Variants in GALNT17 observed in about 807,000 individuals in gnomAD.
The protein encoded by GALNT17 is UDP-GalNAc:polypeptide N-acetylgalactosaminyltransferase-like 3.
In GALNT17, 29 loss-of-function variants were observed where a neutral mutation model predicts 63.7. That is an observed-to-expected ratio of 0.46 (90% CI 0.34 to 0.62). The LOEUF (loss-of-function observed/expected upper bound fraction) is 0.62, where lower values mean the gene tolerates loss of function less well. Among genes scored for constraint, GALNT17 ranks in the 20% least tolerant of loss-of-function variants. GALNT17 has a pLI of 0.01. For missense variants in GALNT17, 603 were observed against 799.6 expected, an observed-to-expected ratio of 0.75 and a Z score of 2.97; for synonymous variants, 305 against 318.3, an observed-to-expected ratio of 0.96 and a Z score of 0.45.
chr7:71,359,703 C>T (rs1275085613), intron 2 of GALNT17, among the ~76,000 whole-genome samples: 1 of 152,032 alleles, frequency 6.6e-6, no homozygotes, highest in Non-Finnish European at 1.5e-5. Context: ...TCTGCCTCAG[C>T]CTCTTAAGTT....
At chr7:71,613,384 C>G (rs1463772901) in intron 6 of GALNT17, among the ~76,000 whole-genome samples, 2 of 152,108 alleles carry the variant, frequency 1.3e-5, no homozygotes, top group Non-Finnish European at 2.9e-5. Flanking sequence ...AGGAATTGAC[C>G]GTTTGTCAGA....
intron 6 of GALNT17, among the ~76,000 whole-genome samples, chr7:71,651,266 C>A (rs1584113266): frequency 1.4e-5 from 2 of 138,688 alleles, no homozygotes; most frequent in Admixed American, 7.3e-5. Flanking sequence ...GAGAATAGGA[C>A]AAAGCCAATC....
At chr7:71,639,365 A>G (rs1228443012) in intron 6 of GALNT17, among the ~76,000 whole-genome samples, 1 of 152,200 alleles carries the variant, frequency 6.6e-6, no homozygotes, top group African/African-American at 2.4e-5. Flanking sequence ...CGGTGTTCAC[A>G]CTTAAGAGAA....
At chr7:71,357,240 TGGCAGGCAAGTGAGC>T (rs1222789977) in intron 2 of GALNT17, among the ~76,000 whole-genome samples, 1 of 152,104 alleles carries the variant, frequency 6.6e-6, no homozygotes, top group Non-Finnish European at 1.5e-5. Context: ...AGGAAGTGAG[TGGCAGGCAAGTGAGC>T]ATGACCGCCT....
chr7:71,176,325 CA>C (rs1405501143), intron 1 of GALNT17, among the ~76,000 whole-genome samples: 2 of 152,074 alleles, frequency 1.3e-5, no homozygotes, highest in Non-Finnish European at 2.9e-5. Flanking sequence ...CGGGGTGTGG[CA>C]AGATCTCAAA....
Position 71,168,199 on chromosome 7 carries a change from T to C in GALNT17, c.238+35159T>C, listed in dbSNP as rs979614941. 6.6e-5 allele frequency among the ~76,000 whole-genome samples: 10 copies of C among 152,352 alleles called. No individual in the cohort carries two copies. The East Asian group carries it at 9.7e-4, about 15-fold the overall frequency. ...TTGCTGTGTTTGTCTGTATTTGCAGTGATACCACACTGCCTTGATTAGTTT... is the reference window on the plus strand; with the variant it reads ...TTGCTGTGTTTGTCTGTATTTGCAGCGATACCACACTGCCTTGATTAGTTT... On this transcript the variant is annotated intron_variant, in intron 1 of 10. Coordinates refer to ENST00000333538, the MANE Select transcript of GALNT17 (RefSeq NM_022479.3).
chr7:71,397,435 T>TA (rs1793157834), intron 3 of GALNT17, among the ~76,000 whole-genome samples: 1 of 152,090 alleles, frequency 6.6e-6, no homozygotes, highest in Admixed American at 6.6e-5. Context: ...TCTTGAGAGA[T>TA]ACGAGATATG....
At chr7:71,567,876 G>C (rs1789375298) in intron 5 of GALNT17, among the ~76,000 whole-genome samples, 1 of 152,222 alleles carries the variant, frequency 6.6e-6, no homozygotes, top group Non-Finnish European at 1.5e-5. Flanking sequence ...ACCACTGAAG[G>C]TGAATGAAGA....
chr7:71,431,298 C>T (rs1234399407), intron 5 of GALNT17, among the ~76,000 whole-genome samples: 1 of 150,620 alleles, frequency 6.6e-6, no homozygotes, highest in East Asian at 2.0e-4. Context: ...GCAACCTCCA[C>T]CTCCCGGGTT....
At chr7:71,493,337 C>T (rs1283108285) in intron 5 of GALNT17, among the ~76,000 whole-genome samples, 5 of 152,208 alleles carry the variant, frequency 3.3e-5, no homozygotes, top group African/African-American at 4.8e-5. Flanking sequence ...TGAAGAATCA[C>T]GCTCCCTGGT....
At chr7:71,693,249 TAC>T (rs201316633) in intron 9 of GALNT17, among the ~76,000 whole-genome samples, 68,296 of 123,834 alleles carry the variant, frequency 0.55, 21,720 homozygotes, top group Non-Finnish European at 0.64. Flanking sequence ...CACATATATA[TAC>T]ACACACACAC....
At chr7:71,145,373 G>A (rs1007828128) in intron 1 of GALNT17, among the ~76,000 whole-genome samples, 2 of 152,116 alleles carry the variant, frequency 1.3e-5, no homozygotes, top group African/African-American at 4.8e-5. Context: ...GTGCACACCT[G>A]GAGTCCCAGC....
intron 5 of GALNT17, among the ~76,000 whole-genome samples, chr7:71,474,976 G>C (rs191989112): frequency 6.6e-6 from 1 of 152,016 alleles, no homozygotes; most frequent in African/African-American, 2.4e-5. Flanking sequence ...GGATGCAGCC[G>C]CAAGCCAAGG....
intron 2 of GALNT17, among the ~76,000 whole-genome samples, chr7:71,366,889 A>AT (rs1443802349): frequency 6.6e-6 from 1 of 152,036 alleles, no homozygotes; most frequent in African/African-American, 2.4e-5. Flanking sequence ...TAGTTCTTGG[A>AT]TGCCTTTCTT....
chr7:71,192,158 C>T (rs1021787769), intron 1 of GALNT17, among the ~76,000 whole-genome samples: 5 of 152,084 alleles, frequency 3.3e-5, no homozygotes, highest in African/African-American at 1.2e-4. Flanking sequence ...GGCCGGAAGA[C>T]TCAGCAAGTC....
intron 5 of GALNT17, among the ~76,000 whole-genome samples, chr7:71,480,897 C>A (rs543495132): frequency 2.7e-4 from 41 of 152,272 alleles, no homozygotes; most frequent in African/African-American, 9.6e-4. Flanking sequence ...TGCTTTCAAA[C>A]CTACTAGAGA....
chr7:71,153,938 AT>A (rs1425224859), intron 1 of GALNT17, among the ~76,000 whole-genome samples: 18 of 132,080 alleles, frequency 1.4e-4, no homozygotes, highest in African/African-American at 4.2e-4. Flanking sequence ...TAAAATAAAA[AT>A]AAAAAATAAA....
chr7:71,695,898 C>T (rs1791533246), intron 9 of GALNT17, among the ~76,000 whole-genome samples: 1 of 152,176 alleles, frequency 6.6e-6, no homozygotes, highest in African/African-American at 2.4e-5. Context: ...GCTGGGCTGC[C>T]TCTTTCTTTG....
intron 9 of GALNT17, among the ~76,000 whole-genome samples, chr7:71,701,743 GTATATA>G (rs1443283161): frequency 3.4e-4 from 7 of 20,506 alleles, no homozygotes; most frequent in Non-Finnish European, 8.5e-4. Context: ...ATATATATGT[GTATATA>G]TATGTATATA....
Sources: allele counts gnomAD v4.1 joint callset (sites outside exome capture counted in the v4.1 genomes callset), GRCh38; gene constraint gnomAD v4.1.1; transcripts MANE v1.5; gene names NCBI Gene and HGNC (gene_info 2026-07-23, HGNC 2026-07-21).